Variants in GALNT14 observed in about 807,000 individuals in gnomAD.
GALNT14 encodes the protein polypeptide N-acetylgalactosaminyltransferase 14.
GALNT14 carries 60 observed loss-of-function variants against 77.5 expected under a neutral mutation model. The ratio of observed to expected loss-of-function variants is 0.77; its 90% confidence interval spans 0.63 to 0.96. The LOEUF is 0.96. Ranked by LOEUF, GALNT14 falls within the 40% of genes least tolerant of loss-of-function variation. The pLI is 0.00. For missense variants in GALNT14, 710 were observed against 731.0 expected, an observed-to-expected ratio of 0.97 and a Z score of 0.33; for synonymous variants, 280 against 281.7, an observed-to-expected ratio of 0.99 and a Z score of 0.06.
At chr2:31,013,369 G>T (rs1671155623) in intron 1 of GALNT14, among the ~76,000 whole-genome samples, 1 of 152,166 alleles carries the variant, frequency 6.6e-6, no homozygotes, top group Non-Finnish European at 1.5e-5. Flanking sequence ...ACACGAAGAT[G>T]TTTCCTGGTT....
intron 13 of GALNT14, among the ~76,000 whole-genome samples, chr2:30,922,994 C>T (rs1665124368): frequency 6.6e-6 from 1 of 151,502 alleles, no homozygotes; most frequent in Non-Finnish European, 1.5e-5. Context: ...TTGATGAATA[C>T]CCGCCAGAAG....
intron 1 of GALNT14, among the ~76,000 whole-genome samples, chr2:31,095,536 AC>A (rs1676956981): frequency 6.6e-6 from 1 of 152,074 alleles, no homozygotes; most frequent in Non-Finnish European, 1.5e-5. Context: ...AAAAAAAGTC[AC>A]TTCCTACTCA....
chr2:30,897,667 C>A, the GALNT14 span, among the ~76,000 whole-genome samples: 2 of 152,316 alleles, frequency 1.3e-5, no homozygotes, highest in East Asian at 3.9e-4. Flanking sequence ...ACACACACTG[C>A]GCATGGCGTA....
At chr2:31,005,771 T>C (rs1447733943) in intron 1 of GALNT14, among the ~76,000 whole-genome samples, 1 of 152,230 alleles carries the variant, frequency 6.6e-6, no homozygotes, top group Admixed American at 6.5e-5. Flanking sequence ...AGGTGTTTTC[T>C]ACCCAAAGCT....
chr2:31,106,193 C>T (rs750923723), intron 1 of GALNT14, among the ~76,000 whole-genome samples: 1 of 152,168 alleles, frequency 6.6e-6, no homozygotes, highest in Non-Finnish European at 1.5e-5. Context: ...CACCCAAATT[C>T]GTGCTCTTTC....
chr2:30,990,583 G>A (rs1013819479), intron 2 of GALNT14, among the ~76,000 whole-genome samples: 8 of 152,216 alleles, frequency 5.3e-5, no homozygotes, highest in African/African-American at 1.9e-4. Flanking sequence ...ACACCAGTAT[G>A]GTGACTAAAC....
the GALNT14 span, among the ~76,000 whole-genome samples, chr2:30,899,533 C>T: frequency 3.0e-3 from 454 of 152,132 alleles, 1 homozygote; most frequent in Middle Eastern, 0.024. Context: ...AGGTAACCAG[C>T]CCTGACACAG....
chr2:30,943,321 A>G (rs1666494378), intron 8 of GALNT14, among the ~76,000 whole-genome samples: 1 of 152,180 alleles, frequency 6.6e-6, no homozygotes, highest in Non-Finnish European at 1.5e-5. Context: ...ATTCCAAGCT[A>G]ATAATCAGTG....
At chr2:31,052,877 G>A (rs538010313) in intron 1 of GALNT14, among the ~76,000 whole-genome samples, 13 of 152,128 alleles carry the variant, frequency 8.5e-5, no homozygotes, top group African/African-American at 1.9e-4. Context: ...CTCTGAAACC[G>A]AAATAGAACT....
At chr2:30,971,041 T>C (rs1478651716) in intron 2 of GALNT14, among the ~76,000 whole-genome samples, 2 of 151,990 alleles carry the variant, frequency 1.3e-5, no homozygotes, top group Admixed American at 6.6e-5. Context: ...TCAAGGCACC[T>C]GCCTTGGAGC....
intron 2 of GALNT14, among the ~76,000 whole-genome samples, chr2:30,988,371 A>G (rs578097366): frequency 2.0e-5 from 3 of 152,152 alleles, no homozygotes; most frequent in Admixed American, 1.3e-4. Flanking sequence ...GAGTGGGCCA[A>G]TGGCGATGGG....
intron 2 of GALNT14, among the ~76,000 whole-genome samples, chr2:30,977,107 T>TTTTTTTTTTTTTTTTTG (rs1668679732): frequency 6.6e-6 from 1 of 150,538 alleles, no homozygotes; most frequent in African/African-American, 2.5e-5. Flanking sequence ...TTTTTTTTTT[T>TTTTTTTTTTTTTTTTTG]GAGACAGGGT....
the GALNT14 span, among the ~76,000 whole-genome samples, chr2:30,896,028 T>C: frequency 6.6e-6 from 1 of 152,172 alleles, no homozygotes; most frequent in African/African-American, 2.4e-5. Context: ...GTTATTTAAT[T>C]TCTCTGAGGC....
At chr2:31,066,521 C>T (rs966199287) in intron 1 of GALNT14, among the ~76,000 whole-genome samples, 3 of 152,092 alleles carry the variant, frequency 2.0e-5, no homozygotes, top group Admixed American at 1.3e-4. Flanking sequence ...AGGGAGGGGC[C>T]GTGCAGGGAA....
intron 1 of GALNT14, among the ~76,000 whole-genome samples, chr2:31,052,767 C>T (rs1450821728): frequency 6.6e-6 from 1 of 152,192 alleles, no homozygotes; most frequent in Non-Finnish European, 1.5e-5. Context: ...CCAGATTTAA[C>T]AAACAAAAAT....
At chr2:30,908,486 G>A (rs200041848), downstream of GALNT14, among the ~76,000 whole-genome samples, 26,681 of 136,736 alleles carry the variant, frequency 0.2, 1,669 homozygotes, top group South Asian at 0.27. Context: ...AAATACCTAG[G>A]AATCCAACTT....
chr2:31,076,491 G>A (rs1259799164), intron 1 of GALNT14, among the ~76,000 whole-genome samples: 1 of 151,996 alleles, frequency 6.6e-6, no homozygotes, highest in East Asian at 1.9e-4. Context: ...GCAAACAGTG[G>A]CAAGGAACAG....
chr2:31,106,898 A>G (rs1295290180), intron 1 of GALNT14, among the ~76,000 whole-genome samples: 3 of 152,190 alleles, frequency 2.0e-5, no homozygotes, highest in Non-Finnish European at 4.4e-5. Context: ...AGGAGGGCCC[A>G]GGGTAGACTT....
intron 13 of GALNT14, among the ~76,000 whole-genome samples, chr2:30,919,114 G>A (rs888679534): frequency 6.6e-6 from 1 of 152,120 alleles, no homozygotes; most frequent in African/African-American, 2.4e-5. Flanking sequence ...CTTTAAATTG[G>A]GATGGAAACT....
Sources: allele counts gnomAD v4.1 joint callset (sites outside exome capture counted in the v4.1 genomes callset), GRCh38; gene constraint gnomAD v4.1.1; transcripts MANE v1.5; gene names NCBI Gene and HGNC (gene_info 2026-07-23, HGNC 2026-07-21).